Variants in PI4KA observed in about 807,000 individuals in gnomAD.
PI4KA encodes the protein PI4-kinase alpha.
Under a neutral mutation model 271.4 loss-of-function variants are expected in PI4KA, and 122 were observed. The ratio of observed to expected loss-of-function variants is 0.45; its 90% CI spans 0.39 to 0.52. The LOEUF is 0.52. Ranked by LOEUF, PI4KA falls within the 20% of genes least tolerant of loss-of-function variation. The pLI is 0.00. For synonymous variants in PI4KA, 1,041 were observed against 1,078.8 expected (o/e 0.96, Z 0.69); for missense variants, 1,969 against 2,769.1 (o/e 0.71, Z 6.48).
intron 50 of PI4KA, 59 bp from the exon 51 acceptor site, chr22:20,711,520 G>A (rs747625140): frequency 1.8e-6 from 2 of 1,117,050 alleles, no homozygotes; most frequent in Non-Finnish European, 1.3e-6. Context: ...ATTCTCCCTG[G>A]TCCCACACCC....
intron 36 of PI4KA, 152 bp from the exon 37 acceptor site, chr22:20,730,163 G>A: frequency 1.3e-6 from 1 of 764,086 alleles, no homozygotes; most frequent in Non-Finnish European, 2.1e-6. Context: ...AAATCTGTCT[G>A]GATGGTGGGT....
chr22:20,856,581 C>T (rs940010322), intron 1 of PI4KA, among the ~76,000 whole-genome samples: 4 of 151,846 alleles, frequency 2.6e-5, no homozygotes, highest in Admixed American at 6.6e-5. Context: ...ATTAGAGGCA[C>T]GTGCCACCAC....
chr22:20,818,532 G>A lies in PI4KA; in HGVS notation c.807C>T (p.Gly269=), dbSNP rs1922147664. 1 of 1,559,236 alleles carries A rather than the reference G, an allele frequency of 6.4e-7. No individual in the cohort carries two copies. Among genetic ancestry groups the A allele is most frequent in the Non-Finnish European group, 8.6e-7 (1 of 1,159,068 alleles). ...CTCCAGGGGAACTGGGAGGGGGCATGCCGCGTTCAGGGCTGACCTGAAACA... is the reference window on the plus strand; with the variant it reads ...CTCCAGGGGAACTGGGAGGGGGCATACCGCGTTCAGGGCTGACCTGAAACA... The part of the protein sequence containing the change: ...SSISQVSPER[G]MPPPSSPGGS... Residue 269 remains glycine, a synonymous_variant, in exon 7 of 55, where the codon GGC becomes GGT. Coordinates refer to ENST00000255882, the MANE Select transcript of PI4KA (RefSeq NM_058004.4).
chr22:20,713,371 G>A lies in PI4KA; in HGVS notation c.5481C>T (p.Asp1827=), dbSNP rs2227856. Residue 1827 remains aspartate, a synonymous_variant, in exon 48 of 55, where the codon GAC becomes GAT. Transcript: ENST00000255882. ...LEKEGLRCRS[D]SEDECSTQEA... ...CCTGCGTGCTGCACTCATCCTCGGA[G>A]TCTGAGCGGCACCGCAGACCTGCCC... 5.0e-3 allele frequency: 7,866 copies of A among 1,583,992 alleles called. 130 individuals carry two copies. The Admixed American group carries it at 0.086, about 17-fold the overall frequency.
chr22:20,849,802 C>T (rs1392054418), intron 1 of PI4KA, among the ~76,000 whole-genome samples: 4 of 151,982 alleles, frequency 2.6e-5, no homozygotes, highest in Admixed American at 6.6e-5. Context: ...TGCAGTGAGC[C>T]GAGATCGCGC....
At chr22:20,812,239 C>A (rs1242749620) in intron 8 of PI4KA, among the ~76,000 whole-genome samples, 1 of 152,072 alleles carries the variant, frequency 6.6e-6, no homozygotes, top group Non-Finnish European at 1.5e-5. Context: ...TCCTTCTTGA[C>A]AGCAACTTCA....
chr22:20,720,777 AGTTATTTTCCCAAAAAGAT>A (rs908399131), intron 43 of PI4KA, among the ~76,000 whole-genome samples: 8 of 152,196 alleles, frequency 5.3e-5, no homozygotes, highest in Non-Finnish European at 1.2e-4. Context: ...TTTTGGGGAA[AGTTATTTTCCCAAAAAGAT>A]GTTATTTATA....
chr22:20,810,351 CA>C (rs1306809343), intron 9 of PI4KA, among the ~76,000 whole-genome samples: 2 of 151,842 alleles, frequency 1.3e-5, no homozygotes, highest in African/African-American at 4.8e-5. Context: ...CTAAAAAATA[CA>C]AAAAAAGTTA....
intron 32 of PI4KA, among the ~76,000 whole-genome samples, chr22:20,741,774 T>A (rs923226574): frequency 4.6e-5 from 7 of 152,224 alleles, no homozygotes; most frequent in African/African-American, 1.7e-4. Context: ...AAATTGTTCT[T>A]AAGCGTTTAT....
In PI4KA at chr22:20,850,852, C is replaced by T. The variant is rs572176765; in HGVS notation, c.156+7718G>A. Among the ~76,000 whole-genome samples the T allele has an allele frequency of 2.0e-5, 3 of 152,084 alleles. No homozygotes were observed. In the East Asian group the frequency reaches 5.8e-4, roughly 30 times the overall value. ...GCCCACGGTTTGAGCTAAGCCTGGG[C>T]AAGATAGTAAGACCCCATCTCTAAA... On this transcript the variant is annotated intron_variant, in intron 1 of 54. Transcript: ENST00000255882.
chr22:20,771,117 TGCTCTACAGTGG>T (rs1355090466), intron 19 of PI4KA, among the ~76,000 whole-genome samples: 1 of 152,112 alleles, frequency 6.6e-6, no homozygotes, highest in African/African-American at 2.4e-5. Context: ...CAGGAGGTAC[TGCTCTACAGTGG>T]GGTTAAAGCC....
At chr22:20,751,798 A>C in intron 25 of PI4KA, 43 bp from the exon 26 acceptor site, 8 of 1,562,790 alleles carry the variant, frequency 5.1e-6, no homozygotes, top group Non-Finnish European at 7.1e-6. Context: ...CCAAACCTCC[A>C]AGGAAGGTCT....
chr22:20,708,322 C>G (rs900159279), intron 54 of PI4KA, among the ~76,000 whole-genome samples: 1 of 152,136 alleles, frequency 6.6e-6, no homozygotes, highest in African/African-American at 2.4e-5. Context: ...CGCTTCCATC[C>G]GTGGGAGCCA....
At chr22:20,747,222 A>G (rs1601396925) in intron 29 of PI4KA, among the ~76,000 whole-genome samples, 1 of 152,216 alleles carries the variant, frequency 6.6e-6, no homozygotes, top group Non-Finnish European at 1.5e-5. Flanking sequence ...GGAGTCCAGT[A>G]TACGCTCCAG....
At position 20,814,119 on chromosome 22, in the gene PI4KA, T is replaced by G. The variant is rs186995335; in HGVS notation, c.857-613A>C. ...CAGCAGAAATACACCTTTTTAAAGG[T>G]GAAGAGATATGAAAGCTTGGGGTCC... On this transcript the variant is annotated intron_variant, in intron 7 of 54. Transcript: ENST00000255882. Among the ~76,000 whole-genome samples the G allele has an allele frequency of 2.8e-4, 42 of 151,830 alleles. 1 individual carries two copies. In the East Asian group the frequency reaches 8.0e-3, roughly 29 times the overall value.
At position 20,751,767 on chromosome 22, in the gene PI4KA, G is replaced by C; in HGVS notation, c.2988-12C>G. 1.2e-6 allele frequency: 2 copies of C among 1,612,656 alleles called. No individual in the cohort carries two copies. Among genetic ancestry groups the C allele is most frequent in the Non-Finnish European group, 1.7e-6 (2 of 1,178,798 alleles). ...GCAAGTGGGGAAACCTGCACCAAGA[G>C]CCAGCTCTCAGGACCAAGAGCCAAA... On this transcript the variant is annotated splice_polypyrimidine_tract_variant and intron_variant, in intron 25 of 54. Transcript: ENST00000255882.
At chr22:20,745,062 T>C (rs1219622467) in intron 29 of PI4KA, among the ~76,000 whole-genome samples, 1 of 152,184 alleles carries the variant, frequency 6.6e-6, no homozygotes, top group Non-Finnish European at 1.5e-5. Context: ...GAGTTGCGTG[T>C]GCAGCTTATA....
intron 17 of PI4KA, among the ~76,000 whole-genome samples, chr22:20,796,983 T>C (rs1935024759): frequency 6.6e-6 from 1 of 152,190 alleles, no homozygotes; most frequent in Non-Finnish European, 1.5e-5. Context: ...GGCACGACCC[T>C]GGGTAAGTCT....
chr22:20,748,127 C>G (rs1930307783), intron 28 of PI4KA, among the ~76,000 whole-genome samples: 1 of 152,236 alleles, frequency 6.6e-6, no homozygotes, highest in East Asian at 1.9e-4. Context: ...GGGTCTGCCC[C>G]TCCCTAACTA....
Sources: allele counts gnomAD v4.1 joint callset (sites outside exome capture counted in the v4.1 genomes callset), GRCh38; gene constraint gnomAD v4.1.1; transcripts MANE v1.5; gene names NCBI Gene and HGNC (gene_info 2026-07-23, HGNC 2026-07-21).